Variants in FBXW7 observed in about 807,000 individuals in gnomAD.
The protein encoded by FBXW7 is F-box/WD repeat-containing protein 7.
A neutral mutation model predicts 86.3 loss-of-function variants in FBXW7; 11 were observed. The ratio of observed to expected loss-of-function variants is 0.13; its 90% CI spans 0.08 to 0.21. The LOEUF (loss-of-function observed/expected upper bound fraction) is 0.21, where lower values mean the gene tolerates loss of function less well. FBXW7 is among the 10% of genes least tolerant of loss of function. FBXW7 has a pLI of 1.00. For synonymous variants in FBXW7, 313 were observed against 297.9 expected, an observed-to-expected ratio of 1.05 and a Z score of -0.52; for missense variants, 488 against 847.4, an observed-to-expected ratio of 0.58 and a Z score of 5.27.
chr4:152,353,680 T>C (rs1369278646), intron 4 of FBXW7, among the ~76,000 whole-genome samples: 1 of 152,180 alleles, frequency 6.6e-6, no homozygotes, highest in African/African-American at 2.4e-5. Flanking sequence ...TGACAATCTA[T>C]ATTGCTTATC....
At chr4:152,399,738 A>G (rs931464839) in intron 4 of FBXW7, among the ~76,000 whole-genome samples, 1 of 152,154 alleles carries the variant, frequency 6.6e-6, no homozygotes, top group African/African-American at 2.4e-5. Flanking sequence ...ATATTTAGGG[A>G]TGAATCTAAT....
In FBXW7 at chr4:152,352,775, A is replaced by AT. The variant is rs754182248; in HGVS notation, c.502-2652_502-2651insA. 7.5e-6 allele frequency: 12 copies of AT among 1,601,764 alleles called. No individual in the cohort carries two copies. In the African/African-American group the frequency reaches 1.5e-4, roughly 20 times the overall value. ...GAGAAGAACTCGAGGGAATAATGAGAGAGAACGGAGAAGATTATTGGAGGA... is the reference window on the plus strand; with the variant it reads ...GAGAAGAACTCGAGGGAATAATGAGATGAGAACGGAGAAGATTATTGGAGGA... On this transcript the variant is annotated intron_variant, in intron 4 of 13. Coordinates refer to ENST00000281708, the MANE Select transcript of FBXW7 (RefSeq NM_001349798.2).
intron 4 of FBXW7, among the ~76,000 whole-genome samples, chr4:152,351,942 A>C (rs1731860127): frequency 6.6e-6 from 1 of 152,174 alleles, no homozygotes; most frequent in Non-Finnish European, 1.5e-5. Flanking sequence ...CACCTTCTGT[A>C]TGACTATAGA....
chr4:152,363,446 A>G (rs1367336175), intron 4 of FBXW7, among the ~76,000 whole-genome samples: 1 of 152,232 alleles, frequency 6.6e-6, no homozygotes, highest in South Asian at 2.1e-4. Flanking sequence ...CATTTGACTA[A>G]TAAGTGAAAC....
intron 2 of FBXW7, among the ~76,000 whole-genome samples, chr4:152,492,287 C>T (rs1745932903): frequency 6.6e-6 from 1 of 152,118 alleles, no homozygotes. Context: ...GTCATTAATC[C>T]TATTGACATT....
rs1579128441 is a variant in FBXW7, at chr4:152,411,870, A to C, written c.-67T>G. The stretch of plus-strand genomic sequence containing the variant: ...TATCAGAAGATGCAAAGGTTTTCAC[A>C]TTCTGCAGGGGAAAATAGGGTAAAA... On this transcript the variant is annotated splice_region_variant and 5_prime_UTR_variant, in exon 4 of 14. It removes an upstream start codon present in the reference 5' UTR. Coordinates refer to ENST00000281708, the MANE Select transcript of FBXW7 (RefSeq NM_001349798.2). 6.7e-7 allele frequency: 1 copy of C among 1,482,108 alleles called. No individual in the cohort carries two copies. The highest frequency in any genetic ancestry group is 2.4e-5 in the East Asian group (1 of 41,206). The allele number at this position is 1,482,108 out of a possible 1,614,324, so 91.8% of individuals were successfully genotyped here. A position where few individuals can be genotyped will look rare whatever the true frequency, so the allele number is the denominator to read the frequency against.
At chr4:152,487,973 A>G (rs1447789797) in intron 2 of FBXW7, among the ~76,000 whole-genome samples, 1 of 152,048 alleles carries the variant, frequency 6.6e-6, no homozygotes, top group Non-Finnish European at 1.5e-5. Flanking sequence ...TGATTCTAAT[A>G]AGCAAAATGC....
intron 2 of FBXW7, among the ~76,000 whole-genome samples, chr4:152,526,050 G>A (rs183499963): frequency 6.6e-6 from 1 of 152,132 alleles, no homozygotes; most frequent in African/African-American, 2.4e-5. Context: ...TTTCTCTAAT[G>A]AGTAATATTG....
chr4:152,404,735 C>G (rs1391532803), intron 4 of FBXW7, among the ~76,000 whole-genome samples: 1 of 152,076 alleles, frequency 6.6e-6, no homozygotes, highest in Non-Finnish European at 1.5e-5. Flanking sequence ...ATACCTGAGT[C>G]TTAAACTCAA....
chr4:152,527,409 C>T (rs1012384288), intron 2 of FBXW7, among the ~76,000 whole-genome samples: 1 of 152,152 alleles, frequency 6.6e-6, no homozygotes, highest in African/African-American at 2.4e-5. Flanking sequence ...GAATGTCATG[C>T]AAAGGTATAT....
At position 152,460,154 on chromosome 4, in the gene FBXW7, T is replaced by A. The variant is rs1742810344; in HGVS notation, c.-119-47625A>T. Among the ~76,000 whole-genome samples, 3 of 152,208 alleles carry A rather than the reference T, an allele frequency of 2.0e-5. No homozygotes were observed. The South Asian group carries it at 6.2e-4, about 31-fold the overall frequency. On this transcript the variant is annotated intron_variant, in intron 2 of 13. Transcript: ENST00000281708. ...ATTTTGTACATATTTTACCACATTT[T>A]TAAGTTTTTTAGAAACCTATTATAC...
intron 4 of FBXW7, among the ~76,000 whole-genome samples, chr4:152,365,461 T>C (rs1440719126): frequency 6.6e-6 from 1 of 152,086 alleles, no homozygotes; most frequent in Non-Finnish European, 1.5e-5. Context: ...CAAGAGATAA[T>C]GATGGCTTCG....
chr4:152,398,713 CTTT>C (rs1187102473), intron 4 of FBXW7, among the ~76,000 whole-genome samples: 1 of 151,934 alleles, frequency 6.6e-6, no homozygotes, highest in East Asian at 1.9e-4. Context: ...CAACTTGATT[CTTT>C]TTATCATATT....
intron 2 of FBXW7, among the ~76,000 whole-genome samples, chr4:152,454,818 C>A (rs1203796474): frequency 6.6e-6 from 1 of 151,950 alleles, no homozygotes; most frequent in Non-Finnish European, 1.5e-5. Flanking sequence ...TAAGTTGTAT[C>A]CACTAATAAA....
In FBXW7 at chr4:152,330,719, A is replaced by T. The variant is rs1192763538; in HGVS notation, c.1122+13T>A. ...ATTAACGGTTTCTGTTACATTGTGC[A>T]GAGTTCAGTTACCTTAGGAGATTTG... On this transcript the variant is annotated intron_variant, in intron 9 of 13. Coordinates refer to ENST00000281708, the MANE Select transcript of FBXW7 (RefSeq NM_001349798.2). 1 of 1,610,112 alleles carries T rather than the reference A, an allele frequency of 6.2e-7. No homozygotes were observed. The highest frequency in any genetic ancestry group is 1.1e-5 in the South Asian group (1 of 90,558).
intron 2 of FBXW7, among the ~76,000 whole-genome samples, chr4:152,521,397 T>C (rs1748998729): frequency 6.6e-6 from 1 of 152,068 alleles, no homozygotes. Context: ...GAGACAAATA[T>C]ACATGAAAGA....
chr4:152,470,226 A>C (rs958255596), intron 2 of FBXW7, among the ~76,000 whole-genome samples: 1 of 152,160 alleles, frequency 6.6e-6, no homozygotes, highest in Non-Finnish European at 1.5e-5. Flanking sequence ...TGAATTATAA[A>C]GACATTGGCT....
Position 152,535,493 on chromosome 4 carries a change from C to G in FBXW7, c.-579G>C, listed in dbSNP as rs375357200. On this transcript the variant is annotated 5_prime_UTR_variant, in exon 1 of 14. Coordinates refer to ENST00000281708, the MANE Select transcript of FBXW7 (RefSeq NM_001349798.2). ...CTTCACATCGGGGTCCCCGCCCCCCCGGCCGGGGGGTGGTTGCCGAGCTTG... is the reference window on the plus strand; with the variant it reads ...CTTCACATCGGGGTCCCCGCCCCCCGGGCCGGGGGGTGGTTGCCGAGCTTG... 4.3e-5 allele frequency: 17 copies of G among 394,614 alleles called. No individual in the cohort carries two copies. Among genetic ancestry groups the G allele is most frequent in the Non-Finnish European group, 7.2e-5 (16 of 223,766 alleles). 24.4% of individuals were successfully genotyped at this position (394,614 alleles called of 1,614,324 possible). A position where few individuals can be genotyped will look rare whatever the true frequency, so the allele number is the denominator to read the frequency against.
chr4:152,458,829 C>T (rs1436219610), intron 2 of FBXW7, among the ~76,000 whole-genome samples: 1 of 152,144 alleles, frequency 6.6e-6, no homozygotes, highest in Non-Finnish European at 1.5e-5. Context: ...TAGGATCTTG[C>T]AATGAAGAAC....
Sources: gnomAD v4.1 joint callset for allele counts (sites outside exome capture counted in the v4.1 genomes callset) on GRCh38, gnomAD v4.1.1 for gene constraint, MANE v1.5 for transcripts, NCBI Gene and HGNC (gene_info 2026-07-23, HGNC 2026-07-21) for gene names.